Variants in RNF13 observed in about 807,000 individuals in gnomAD.
RNF13 encodes E3 ubiquitin-protein ligase RNF13.
In RNF13, 19 loss-of-function variants were observed where a neutral mutation model predicts 37.7. The observed-to-expected ratio is 0.50, with a 90% CI of 0.35 to 0.74. RNF13 has a LOEUF of 0.74. Among genes scored for constraint, RNF13 ranks in the 30% least tolerant of loss-of-function variants. The pLI is 0.01. For synonymous variants in RNF13, 144 were observed against 157.8 expected (o/e 0.91, Z 0.65); for missense variants, 375 against 453.0 (o/e 0.83, Z 1.56).
At chr3:149,876,684 G>A (rs1270179633) in intron 4 of RNF13, among the ~76,000 whole-genome samples, 1 of 151,268 alleles carries the variant, frequency 6.6e-6, no homozygotes, top group Non-Finnish European at 1.5e-5. Flanking sequence ...TGTCTGTCTG[G>A]CCAATCTGAC....
chr3:149,862,480 C>T (rs1427042982), intron 3 of RNF13, among the ~76,000 whole-genome samples: 2 of 152,070 alleles, frequency 1.3e-5, no homozygotes, highest in East Asian at 1.9e-4. Context: ...ATAAAACATA[C>T]ATATATATAT....
chr3:149,845,588 G>A (rs527253772), intron 1 of RNF13, among the ~76,000 whole-genome samples: 20 of 152,316 alleles, frequency 1.3e-4, no homozygotes, highest in African/African-American at 4.8e-4. Context: ...AAATTTACAT[G>A]TGAATTTATA....
intron 8 of RNF13, among the ~76,000 whole-genome samples, chr3:149,939,961 G>C (rs1174510003): frequency 6.6e-6 from 1 of 151,994 alleles, no homozygotes; most frequent in East Asian, 1.9e-4. Context: ...TTTTTTATCT[G>C]ATCCACTCTG....
intron 1 of RNF13, chr3:149,822,625 A>G (rs1559886800): frequency 6.6e-6 from 1 of 152,164 alleles, no homozygotes; most frequent in Non-Finnish European, 1.5e-5. Flanking sequence ...TGTTTTTAGC[A>G]TAGTGTTGAA....
rs192640457 is a variant in RNF13 at position 149,831,653 on chromosome 3, A to G, written c.-16-14358A>G. ...ATGAGACTTTGGATGTGGACTTTTG[A>G]GTTAATGCTGAAATGAATTAAGACT... On this transcript the variant is annotated intron_variant, in intron 1 of 9. Coordinates refer to ENST00000392894, the MANE Select transcript of RNF13 (RefSeq NM_183381.3). Among the ~76,000 whole-genome samples, 3 of 152,232 alleles carry G rather than the reference A, an allele frequency of 2.0e-5. No individual in the cohort carries two copies. The East Asian group carries it at 5.8e-4, about 29-fold the overall frequency.
chr3:149,936,732 C>G (rs1719723399), intron 8 of RNF13, among the ~76,000 whole-genome samples: 1 of 152,150 alleles, frequency 6.6e-6, no homozygotes, highest in Non-Finnish European at 1.5e-5. Flanking sequence ...TGGCTCCTTG[C>G]TTTGTAAATT....
chr3:149,869,816 T>C (rs1490187029), intron 3 of RNF13, among the ~76,000 whole-genome samples: 1 of 151,868 alleles, frequency 6.6e-6, no homozygotes. Flanking sequence ...AGAGGTTATT[T>C]ACTGCTAGGT....
chr3:149,941,447 C>T (rs927851715), intron 8 of RNF13, among the ~76,000 whole-genome samples: 3 of 151,840 alleles, frequency 2.0e-5, no homozygotes, highest in Non-Finnish European at 2.9e-5. Context: ...TGATGATGAG[C>T]ATCTTTTCAA....
chr3:149,961,261 T>G lies in RNF13; in HGVS notation c.*157T>G, dbSNP rs1722387767. The G allele has an allele frequency of 2.9e-6, 2 of 697,128 alleles. No individual in the cohort carries two copies. Among genetic ancestry groups the G allele is most frequent in the African/African-American group, 1.8e-5 (1 of 55,484 alleles). The allele number at this position is 697,128 out of a possible 1,614,324, so 43.2% of individuals were successfully genotyped here. On this transcript the variant is annotated 3_prime_UTR_variant, in exon 10 of 10. Transcript: ENST00000392894. Reference sequence around the variant, plus strand: ...TGAAACAGGACTTTTGATCTGGTATTTATCTGCCAAGAATATACTTCATTC... The same window carrying G: ...TGAAACAGGACTTTTGATCTGGTATGTATCTGCCAAGAATATACTTCATTC...
intron 3 of RNF13, among the ~76,000 whole-genome samples, chr3:149,858,258 C>T (rs183334750): frequency 5.5e-4 from 83 of 152,276 alleles, no homozygotes; most frequent in Non-Finnish European, 1.0e-3. Flanking sequence ...TATAGAAACA[C>T]AAAATAGACC....
intron 3 of RNF13, among the ~76,000 whole-genome samples, chr3:149,868,589 C>A (rs570731080): frequency 6.6e-6 from 1 of 151,352 alleles, no homozygotes; most frequent in East Asian, 1.9e-4. Context: ...CCTCCCCTTT[C>A]CTCCCAACCC....
intron 4 of RNF13, among the ~76,000 whole-genome samples, chr3:149,891,393 A>T (rs929336329): frequency 1.3e-5 from 2 of 152,212 alleles, no homozygotes; most frequent in Non-Finnish European, 2.9e-5. Context: ...TGTTCAGGCT[A>T]GAAATAAGAT....
chr3:149,937,725 T>C (rs1345112013), intron 8 of RNF13, among the ~76,000 whole-genome samples: 1 of 152,176 alleles, frequency 6.6e-6, no homozygotes, highest in Non-Finnish European at 1.5e-5. Context: ...TGTTTGGGAA[T>C]TTGCCAGCTA....
chr3:149,849,801 G>A (rs1722967485), intron 2 of RNF13, among the ~76,000 whole-genome samples: 1 of 152,140 alleles, frequency 6.6e-6, no homozygotes, highest in Admixed American at 6.5e-5. Flanking sequence ...TGTACATAAT[G>A]AGTGCTCAGT....
intron 3 of RNF13, among the ~76,000 whole-genome samples, chr3:149,861,067 T>G (rs1323301363): frequency 6.6e-6 from 1 of 152,154 alleles, no homozygotes; most frequent in Non-Finnish European, 1.5e-5. Context: ...AGATAGCATC[T>G]TAATCCAGTT....
At chr3:149,831,121 G>T (rs1388544112) in intron 1 of RNF13, among the ~76,000 whole-genome samples, 1 of 152,242 alleles carries the variant, frequency 6.6e-6, no homozygotes, top group Non-Finnish European at 1.5e-5. Context: ...CCCTCAGGGA[G>T]AACCTTTGCT....
At chr3:149,862,223 A>G (rs1335604009) in intron 3 of RNF13, among the ~76,000 whole-genome samples, 1 of 152,098 alleles carries the variant, frequency 6.6e-6, no homozygotes, top group African/African-American at 2.4e-5. Context: ...GTCATTGGAC[A>G]TTTAGATTGC....
intron 8 of RNF13, among the ~76,000 whole-genome samples, chr3:149,936,562 A>T (rs899496309): frequency 6.6e-6 from 1 of 151,688 alleles, no homozygotes; most frequent in Non-Finnish European, 1.5e-5. Context: ...CAAGATTTCT[A>T]TTTTTTTAAT....
At chr3:149,925,511 T>A (rs1264012008) in intron 8 of RNF13, among the ~76,000 whole-genome samples, 1 of 152,200 alleles carries the variant, frequency 6.6e-6, no homozygotes, top group Non-Finnish European at 1.5e-5. Flanking sequence ...TTTTCTTACC[T>A]CTGATTAATT....
Sources: gnomAD v4.1 joint callset for allele counts (sites outside exome capture counted in the v4.1 genomes callset) on GRCh38, gnomAD v4.1.1 for gene constraint, MANE v1.5 for transcripts, NCBI Gene and HGNC (gene_info 2026-07-23, HGNC 2026-07-21) for gene names.